MROH9: variants seen among roughly 807,000 people sequenced by gnomAD.
MROH9 encodes maestro heat-like repeat-containing protein family member 9.
MROH9 carries 92 observed loss-of-function variants against 98.2 expected under a neutral mutation model. The observed-to-expected ratio is 0.94, with a 90% CI of 0.79 to 1.11. The LOEUF is 1.11. MROH9 is among the 50% of genes most tolerant of loss of function. MROH9 has a pLI of 0.00. For synonymous variants in MROH9, 397 were observed against 368.9 expected (o/e 1.08, Z -0.87); for missense variants, 1,057 against 1,014.8 (o/e 1.04, Z -0.57).
At chr1:171,038,186 T>A (rs952982602) in intron 20 of MROH9, among the ~76,000 whole-genome samples, 44 of 152,094 alleles carry the variant, frequency 2.9e-4, no homozygotes, top group Non-Finnish European at 5.6e-4. Context: ...GTCTAAAGAA[T>A]CTTTACTAAC....
At chr1:170,986,416 A>T in intron 9 of MROH9, 145 bp from the exon 10 acceptor site, 1 of 607,836 alleles carries the variant, frequency 1.6e-6, no homozygotes, top group Non-Finnish European at 2.7e-6. Flanking sequence ...TTCATGGAAG[A>T]GAGAGACTCC....
At chr1:171,025,483 T>A in intron 20 of MROH9, 63 bp downstream of exon 20, 1 of 1,096,106 alleles carries the variant, frequency 9.1e-7, no homozygotes, top group Non-Finnish European at 1.3e-6. Flanking sequence ...GAGAAGAAAC[T>A]AAAAGTCTTT....
chr1:171,035,901 A>G (rs1442340674), intron 20 of MROH9, among the ~76,000 whole-genome samples: 1 of 152,184 alleles, frequency 6.6e-6, no homozygotes, highest in African/African-American at 2.4e-5. Context: ...ATGACTCAGG[A>G]ATTCTATAAA....
At chr1:171,016,859 T>C (rs576366225) in intron 17 of MROH9, among the ~76,000 whole-genome samples, 1 of 152,330 alleles carries the variant, frequency 6.6e-6, no homozygotes, top group African/African-American at 2.4e-5. Flanking sequence ...CTGAAAATTC[T>C]CATTTTACAT....
intron 20 of MROH9, among the ~76,000 whole-genome samples, chr1:171,050,671 C>G (rs1487139792): frequency 1.3e-5 from 2 of 152,098 alleles, no homozygotes; most frequent in African/African-American, 4.8e-5. Flanking sequence ...TTTCTCTTGT[C>G]TGATTGCTCT....
At position 171,016,316 on chromosome 1, in the gene MROH9, T is replaced by C; in HGVS notation, c.1888T>C (p.Tyr630His). The C allele has an allele frequency of 6.5e-7, 1 of 1,527,780 alleles. No homozygotes were observed. The highest frequency in any genetic ancestry group is 1.3e-5 in the South Asian group (1 of 79,530). The allele number at this position is 1,527,780 out of a possible 1,614,324, so 94.6% of individuals were successfully genotyped here. The change falls in exon 17 of 22, where the codon TAC becomes CAC. Residue 630 changes from tyrosine (Y) to histidine (H), a missense_variant. Transcript: ENST00000367759. ...YSLGTRIGSS[Y>H]CTLMDHINGG... ...TTTGGGTACCAGAATTGGTTCCAGC[T>C]ACTGTACTCTGATGGATCATGTGAG...
chr1:171,007,031 C>T (rs143679762), intron 15 of MROH9, among the ~76,000 whole-genome samples: 98 of 152,216 alleles, frequency 6.4e-4, no homozygotes, highest in South Asian at 1.7e-3. Context: ...GTGCCTCATT[C>T]TTCATTATCT....
chr1:170,991,222 T>C (rs1467016618), intron 11 of MROH9, among the ~76,000 whole-genome samples: 3 of 152,100 alleles, frequency 2.0e-5, no homozygotes, highest in Admixed American at 6.6e-5. Context: ...TATGTGAGGA[T>C]TGAGGTAGAA....
chr1:171,040,712 A>T (rs1363476126), intron 20 of MROH9, among the ~76,000 whole-genome samples: 4 of 152,188 alleles, frequency 2.6e-5, no homozygotes, highest in Non-Finnish European at 5.9e-5. Context: ...GCTTCACAAA[A>T]TGGGTGTGAG....
chr1:171,022,215 A>C (rs1016946476), intron 17 of MROH9, among the ~76,000 whole-genome samples: 2 of 152,230 alleles, frequency 1.3e-5, no homozygotes, highest in South Asian at 4.1e-4. Context: ...TAGAACCAGA[A>C]ATACCATCTG....
chr1:170,972,292 T>G (rs1417410250), intron 8 of MROH9, among the ~76,000 whole-genome samples: 1 of 152,188 alleles, frequency 6.6e-6, no homozygotes, highest in Non-Finnish European at 1.5e-5. Flanking sequence ...TTAAAATAAA[T>G]GTTGCTGTGG....
intron 21 of MROH9, 44 bp downstream of exon 21, chr1:171,062,238 A>G (rs191328822): frequency 4.9e-5 from 65 of 1,332,094 alleles, no homozygotes; most frequent in Non-Finnish European, 6.7e-5. Context: ...ATAAATCTAA[A>G]TACATTTACT....
chr1:171,009,584 G>A (rs1652075188), intron 15 of MROH9, among the ~76,000 whole-genome samples: 1 of 152,160 alleles, frequency 6.6e-6, no homozygotes, highest in Non-Finnish European at 1.5e-5. Flanking sequence ...TCTTATGTTA[G>A]CTTTGAATTA....
At chr1:170,949,579 C>T (rs972012033) in intron 3 of MROH9, among the ~76,000 whole-genome samples, 3 of 152,136 alleles carry the variant, frequency 2.0e-5, no homozygotes, top group South Asian at 2.1e-4. Context: ...CAATTGAGGG[C>T]GGATGGCTGT....
intron 3 of MROH9, among the ~76,000 whole-genome samples, chr1:170,957,063 G>T (rs1649793762): frequency 6.9e-6 from 1 of 143,934 alleles, no homozygotes; most frequent in Non-Finnish European, 1.5e-5. Context: ...ATACATTTTG[G>T]ATATTAACCC....
chr1:171,039,053 C>T (rs1653204061), intron 20 of MROH9, among the ~76,000 whole-genome samples: 1 of 152,120 alleles, frequency 6.6e-6, no homozygotes. Flanking sequence ...CACCACACTC[C>T]CCACCACCAC....
intron 1 of MROH9, among the ~76,000 whole-genome samples, chr1:170,939,977 C>A (rs1297681812): frequency 6.6e-6 from 1 of 152,200 alleles, no homozygotes; most frequent in Non-Finnish European, 1.5e-5. Context: ...ATCCTATTGT[C>A]CAAGTACCAG....
intron 5 of MROH9, 84 bp from the exon 6 acceptor site, chr1:170,961,806 A>T: frequency 1.8e-6 from 1 of 554,988 alleles, no homozygotes; most frequent in Non-Finnish European, 3.0e-6. Flanking sequence ...AGTTAAAAGT[A>T]ACTTTTAAGC....
In MROH9 at chr1:171,024,717, T is replaced by C. The variant is rs796782861; in HGVS notation, c.2130T>C (p.Asp710=). The change falls in exon 19 of 22, where the codon GAT becomes GAC. Residue 710 remains aspartate (D), a synonymous_variant. Transcript: ENST00000367759. ...GGTCAACATCACGTTTGCTCAAAGA[T>C]GAAAATTACAGTTTTGAGATGGTGG... ...LKWSTSRLLK[D]ENYSFEMVVL... 1.3e-6 allele frequency: 2 copies of C among 1,551,268 alleles called. No individual in the cohort carries two copies. The highest frequency in any genetic ancestry group is 8.7e-7 in the Non-Finnish European group (1 of 1,146,728).
Sources: allele counts gnomAD v4.1 joint callset (sites outside exome capture counted in the v4.1 genomes callset), GRCh38; gene constraint gnomAD v4.1.1; transcripts MANE v1.5; gene names NCBI Gene and HGNC (gene_info 2026-07-23, HGNC 2026-07-21).